The following PDE4D variants were observed in gnomAD, a reference collection of about 807,000 sequenced individuals.
The protein encoded by PDE4D is phosphodiesterase 4D.
In PDE4D, 24 loss-of-function variants were observed where a neutral mutation model predicts 87.4. The ratio of observed to expected loss-of-function variants is 0.27; its 90% CI spans 0.20 to 0.39. The LOEUF (loss-of-function observed/expected upper bound fraction) is 0.39. PDE4D is among the 10% of genes least tolerant of loss of function. PDE4D has a pLI of 1.00. For missense variants in PDE4D, 714 were observed against 1,041.0 expected, an observed-to-expected ratio of 0.69 and a Z score of 4.32; for synonymous variants, 384 against 383.2, an observed-to-expected ratio of 1.00 and a Z score of -0.02.
chr5:60,049,710 G>T (rs1000271687), intron 2 of PDE4D, among the ~76,000 whole-genome samples: 2 of 152,218 alleles, frequency 1.3e-5, no homozygotes, highest in African/African-American at 4.8e-5. Context: ...ATCTGAGGAG[G>T]CAGTCTGCCC....
chr5:60,003,762 C>A (rs1407972622), intron 2 of PDE4D, among the ~76,000 whole-genome samples: 2 of 149,624 alleles, frequency 1.3e-5, no homozygotes, highest in African/African-American at 4.9e-5. Context: ...AAGCGTCATA[C>A]TCCCTAATTC....
At chr5:59,199,357 G>T (rs762506365) in intron 2 of PDE4D, among the ~76,000 whole-genome samples, 1 of 151,470 alleles carries the variant, frequency 6.6e-6, no homozygotes, top group Non-Finnish European at 1.5e-5. Context: ...TCTATGGGGT[G>T]CCTAGGATTA....
intron 2 of PDE4D, among the ~76,000 whole-genome samples, chr5:59,213,421 C>A (rs1465348847): frequency 1.3e-5 from 2 of 152,104 alleles, no homozygotes; most frequent in East Asian, 3.9e-4. Context: ...GTATTTACTA[C>A]TTTTCCAAGG....
intron 2 of PDE4D, among the ~76,000 whole-genome samples, chr5:60,117,493 C>G (rs1328517529): frequency 6.6e-6 from 1 of 152,070 alleles, no homozygotes; most frequent in African/African-American, 2.4e-5. Context: ...AGACTACAAT[C>G]TATAAATATG....
chr5:59,158,802 AC>A (rs1780605996), intron 5 of PDE4D, among the ~76,000 whole-genome samples: 1 of 152,182 alleles, frequency 6.6e-6, no homozygotes, highest in Admixed American at 6.5e-5. Flanking sequence ...TGGTCTTAAA[AC>A]CCTGAGGTCA....
intron 1 of PDE4D, among the ~76,000 whole-genome samples, chr5:59,604,933 C>T (rs1827990282): frequency 6.6e-6 from 1 of 151,974 alleles, no homozygotes; most frequent in Non-Finnish European, 1.5e-5. Flanking sequence ...AATGATTGCT[C>T]AAGTGCACAC....
chr5:59,794,135 G>GCACA (rs1491263353), intron 1 of PDE4D, among the ~76,000 whole-genome samples: 1 of 89,286 alleles, frequency 1.1e-5, no homozygotes, highest in Non-Finnish European at 2.2e-5. Context: ...ACACACAGAG[G>GCACA]CGCACACACA....
intron 5 of PDE4D, among the ~76,000 whole-genome samples, chr5:59,091,304 C>A (rs1043133103): frequency 8.6e-5 from 13 of 152,046 alleles, no homozygotes; most frequent in African/African-American, 3.1e-4. Context: ...AAAATGTACG[C>A]TTATGTGCAT....
At chr5:59,020,672 T>C (rs942153845) in intron 6 of PDE4D, among the ~76,000 whole-genome samples, 6 of 152,134 alleles carry the variant, frequency 3.9e-5, no homozygotes, top group African/African-American at 1.4e-4. Context: ...GGAATTTTTT[T>C]TTTTTTTTAA....
chr5:59,564,005 T>G (rs1260084444), intron 1 of PDE4D, among the ~76,000 whole-genome samples: 1 of 152,042 alleles, frequency 6.6e-6, no homozygotes, highest in African/African-American at 2.4e-5. Flanking sequence ...CAGTGTGATG[T>G]GGAGGAAGGG....
intron 1 of PDE4D, among the ~76,000 whole-genome samples, chr5:60,345,273 A>G (rs1316904802): frequency 1.3e-5 from 2 of 151,930 alleles, no homozygotes; most frequent in African/African-American, 4.8e-5. Flanking sequence ...AGGAAGGGGA[A>G]CATCACACAC....
chr5:59,149,729 T>TTTTTTTG (rs1779205509), intron 5 of PDE4D, among the ~76,000 whole-genome samples: 1 of 141,142 alleles, frequency 7.1e-6, no homozygotes, highest in African/African-American at 2.7e-5. Flanking sequence ...TTTTTTTTTT[T>TTTTTTTG]TCGGTCAACA....
intron 1 of PDE4D, among the ~76,000 whole-genome samples, chr5:59,319,497 C>A (rs984583949): frequency 2.0e-5 from 3 of 152,086 alleles, no homozygotes; most frequent in African/African-American, 7.2e-5. Flanking sequence ...TTTGGCTCAG[C>A]TGACAGTAAT....
intron 1 of PDE4D, among the ~76,000 whole-genome samples, chr5:59,559,451 G>A (rs536235163): frequency 1.3e-5 from 2 of 152,180 alleles, no homozygotes; most frequent in South Asian, 4.1e-4. Flanking sequence ...TTAAGGAAAC[G>A]AACAGAAAAA....
intron 1 of PDE4D, among the ~76,000 whole-genome samples, chr5:59,784,823 G>T (rs1764996490): frequency 6.6e-6 from 1 of 152,104 alleles, no homozygotes; most frequent in African/African-American, 2.4e-5. Flanking sequence ...AATCATGGGG[G>T]CAATTTTCCC....
intron 1 of PDE4D, among the ~76,000 whole-genome samples, chr5:60,394,522 T>C (rs1762762193): frequency 6.6e-6 from 1 of 152,236 alleles, no homozygotes; most frequent in Non-Finnish European, 1.5e-5. Context: ...TTGTCTATAT[T>C]TTCTGAATCC....
intron 3 of PDE4D, among the ~76,000 whole-genome samples, chr5:59,908,160 T>C (rs1358527154): frequency 6.6e-6 from 1 of 152,148 alleles, no homozygotes. Flanking sequence ...TTAGGCAATA[T>C]TCATGTTTAA....
intron 5 of PDE4D, among the ~76,000 whole-genome samples, chr5:59,156,389 T>G (rs903389425): frequency 2.0e-5 from 3 of 148,794 alleles, no homozygotes; most frequent in Non-Finnish European, 4.5e-5. Context: ...TATTCTCTTT[T>G]GTGGCAGACA....
intron 1 of PDE4D, among the ~76,000 whole-genome samples, chr5:59,785,729 G>A (rs1305444052): frequency 6.6e-6 from 1 of 152,150 alleles, no homozygotes; most frequent in Non-Finnish European, 1.5e-5. Flanking sequence ...ATTTTGGTAT[G>A]GACTTTCCAG....
Sources: allele counts gnomAD v4.1 joint callset (sites outside exome capture counted in the v4.1 genomes callset), GRCh38; gene constraint gnomAD v4.1.1; transcripts MANE v1.5; gene names NCBI Gene and HGNC (gene_info 2026-07-23, HGNC 2026-07-21).